The following SLC25A30 variants were observed in gnomAD, a reference collection of about 807,000 sequenced individuals.
SLC25A30 encodes the protein kidney mitochondrial carrier protein 1.
In SLC25A30, 29 loss-of-function variants were observed where a neutral mutation model predicts 42.7. That is an observed-to-expected ratio of 0.68 (90% CI 0.51 to 0.93). SLC25A30 has a LOEUF of 0.93. SLC25A30 is among the 40% of genes least tolerant of loss of function. The pLI is 0.00. For missense variants in SLC25A30, 300 were observed against 359.7 expected (o/e 0.83, Z 1.34); for synonymous variants, 124 against 131.0 (o/e 0.95, Z 0.37).
At position 45,395,974 on chromosome 13, in the gene SLC25A30, T is replaced by A; in HGVS notation, c.876A>T (p.Ter292CysextTer6). Residue 292 changes from the stop codon to cysteine (C), a stop_lost, in exon 10 of 10, where the codon TGA becomes TGT. Transcript: ENST00000519676. ...AGATGTCTCATGCAGCCTTGGCTTG[T>A]CACAAATCCAATTTCTTCAACTGCT... ...TYEQLKKLDL* is the reference protein window; with the variant it reads ...TYEQLKKLDLC 1.2e-6 allele frequency: 2 copies of A among 1,614,198 alleles called. No homozygotes were observed. Among genetic ancestry groups the A allele is most frequent in the Non-Finnish European group, 1.7e-6 (2 of 1,180,008 alleles).
chr13:45,425,788 A>G, the SLC25A30 span, among the ~76,000 whole-genome samples: 3 of 145,288 alleles, frequency 2.1e-5, no homozygotes, highest in African/African-American at 7.5e-5. Flanking sequence ...CACCTCCTGA[A>G]TTCAAGCAAT....
upstream of SLC25A30, among the ~76,000 whole-genome samples, chr13:45,418,964 A>C (rs1365913196): frequency 2.7e-5 from 3 of 111,452 alleles, no homozygotes; most frequent in Non-Finnish European, 5.4e-5. Context: ...AAAAAAAAAA[A>C]AAAAAAAAAA....
In SLC25A30 at chr13:45,394,242, C is replaced by T. The variant is rs923078893; in HGVS notation, c.*1732G>A. 23 of 821,996 alleles carry T rather than the reference C, an allele frequency of 2.8e-5. No homozygotes were observed. Among genetic ancestry groups the T allele is most frequent in the Admixed American group, 2.5e-4 (4 of 15,866 alleles). The allele number at this position is 821,996 out of a possible 1,614,324, so 50.9% of individuals were successfully genotyped here. Reference sequence around the variant, plus strand: ...ATTAACAGGTAACCCTACCCCACTGCACCCCGCCCCCGCCCCCACCTTCTG... The same window carrying T: ...ATTAACAGGTAACCCTACCCCACTGTACCCCGCCCCCGCCCCCACCTTCTG... On this transcript the variant is annotated 3_prime_UTR_variant, in exon 10 of 10. Coordinates refer to ENST00000519676, the MANE Select transcript of SLC25A30 (RefSeq NM_001010875.4).
At chr13:45,432,756 G>A in the SLC25A30 span, among the ~76,000 whole-genome samples, 150 of 151,234 alleles carry the variant, frequency 9.9e-4, no homozygotes, top group African/African-American at 3.6e-3. Context: ...AAAAATCAAG[G>A]CCAGGTGTGG....
chr13:45,394,449 T>G lies in SLC25A30; in HGVS notation c.*1525A>C. 10 of 985,380 alleles carry G rather than the reference T, an allele frequency of 1.0e-5. No homozygotes were observed. Among genetic ancestry groups the G allele is most frequent in the Non-Finnish European group, 1.2e-5 (10 of 829,930 alleles). 61.0% of individuals were successfully genotyped at this position (985,380 alleles called of 1,614,324 possible). A position where few individuals can be genotyped will look rare whatever the true frequency, so the allele number is the denominator to read the frequency against. On this transcript the variant is annotated 3_prime_UTR_variant, in exon 10 of 10. Transcript: ENST00000519676. Reference sequence around the variant, plus strand: ...CAAAGAGACTGGCCAGACTGGGAATTTGGCCGCACTACTGTGGAAGGAGAA... The same window carrying G: ...CAAAGAGACTGGCCAGACTGGGAATGTGGCCGCACTACTGTGGAAGGAGAA...
At chr13:45,425,072 A>AAATATATAAATATATAAG in the SLC25A30 span, among the ~76,000 whole-genome samples, 4 of 66,860 alleles carry the variant, frequency 6.0e-5, no homozygotes, top group African/African-American at 2.4e-4. Flanking sequence ...GTATATATAC[A>AAATATATAAATATATAAG]TATATATAAA....
At position 45,395,593 on chromosome 13, in the gene SLC25A30, G is replaced by A; in HGVS notation, c.*381C>T. Reference sequence around the variant, plus strand: ...AGGCTCCATTCCATGGTTCCAGTGAGCTTTTCTAGAGCAGTCTGATTCTCA... The same window carrying A: ...AGGCTCCATTCCATGGTTCCAGTGAACTTTTCTAGAGCAGTCTGATTCTCA... On this transcript the variant is annotated 3_prime_UTR_variant, in exon 10 of 10. Coordinates refer to ENST00000519676, the MANE Select transcript of SLC25A30 (RefSeq NM_001010875.4). 1.8e-6 allele frequency: 2 copies of A among 1,100,306 alleles called. No homozygotes were observed. Among genetic ancestry groups the A allele is most frequent in the Non-Finnish European group, 2.2e-6 (2 of 897,330 alleles). The allele number at this position is 1,100,306 out of a possible 1,614,324, so 68.2% of individuals were successfully genotyped here. A position where few individuals can be genotyped will look rare whatever the true frequency, so the allele number is the denominator to read the frequency against.
chr13:45,399,436 T>C (rs1285139668), intron 7 of SLC25A30, among the ~76,000 whole-genome samples: 2 of 152,296 alleles, frequency 1.3e-5, no homozygotes, highest in East Asian at 1.9e-4. Flanking sequence ...CTCAGACTCT[T>C]GACCTCAAGT....
At chr13:45,422,443 C>T (rs1211511989), upstream of SLC25A30, among the ~76,000 whole-genome samples, 1 of 152,072 alleles carries the variant, frequency 6.6e-6, no homozygotes, top group Non-Finnish European at 1.5e-5. Context: ...CTGGATAGGC[C>T]AGTGTTCCTA....
chr13:45,413,437 T>C (rs1188528806), intron 1 of SLC25A30, among the ~76,000 whole-genome samples: 1 of 152,226 alleles, frequency 6.6e-6, no homozygotes, highest in African/African-American at 2.4e-5. Flanking sequence ...ACCTAGCTGA[T>C]TGCAGATTAA....
chr13:45,424,590 T>TATATAAAA, the SLC25A30 span, among the ~76,000 whole-genome samples: 2 of 54,328 alleles, frequency 3.7e-5, no homozygotes, highest in South Asian at 5.7e-4. Flanking sequence ...TATATATAAA[T>TATATAAAA]ATATATAAAT....
intron 4 of SLC25A30, among the ~76,000 whole-genome samples, 199 bp downstream of exon 4, chr13:45,405,684 T>C (rs1377367012): frequency 6.6e-6 from 1 of 152,240 alleles, no homozygotes; most frequent in Non-Finnish European, 1.5e-5. Context: ...CAGAGATGGT[T>C]CCTTTTCATT....
In SLC25A30 at chr13:45,401,153, C is replaced by A. The variant is rs1881934182; in HGVS notation, c.544G>T (p.Val182Phe). 6.2e-7 allele frequency: 1 copy of A among 1,613,974 alleles called. No individual in the cohort carries two copies. The highest frequency in any genetic ancestry group is 1.1e-5 in the South Asian group (1 of 91,072). Reference protein sequence around the residue: ...AAIVVGVELPVYDITKKHLIL... With the variant: ...AAIVVGVELPFYDITKKHLIL... ...AGATGCTTCTTGGTGATGTCATAGA[C>A]CGGCAGCTCCACACCAACAACAATA... is the stretch of plus-strand genomic sequence containing the variant. The change falls in exon 7 of 10, where the codon GTC (valine) becomes TTC (phenylalanine). Residue 182 changes from valine to phenylalanine, a missense_variant. Val to Phe is a conservative substitution (Grantham distance 50, BLOSUM62 -1). Coordinates refer to ENST00000519676, the MANE Select transcript of SLC25A30 (RefSeq NM_001010875.4).
intron 8 of SLC25A30, chr13:45,398,626 C>T (rs1362345083): frequency 5.2e-6 from 1 of 192,598 alleles, no homozygotes. Context: ...GTTCCTTTAA[C>T]AGAGATGTCT....
At chr13:45,425,292 A>G in the SLC25A30 span, among the ~76,000 whole-genome samples, 2 of 99,420 alleles carry the variant, frequency 2.0e-5, no homozygotes, top group African/African-American at 9.3e-5. Flanking sequence ...ATATGTACGT[A>G]TATATACGTA....
At position 45,394,420 on chromosome 13, in the gene SLC25A30, T is replaced by C; in HGVS notation, c.*1554A>G. The C allele has an allele frequency of 1.0e-6, 1 of 985,360 alleles. No homozygotes were observed. Among genetic ancestry groups the C allele is most frequent in the Non-Finnish European group, 1.2e-6 (1 of 829,924 alleles). 61.0% of individuals were successfully genotyped at this position (985,360 alleles called of 1,614,324 possible). ...AAACCTGCAGTCCTTCTATTCAGTC[T>C]CAACAAAGAGACTGGCCAGACTGGG... On this transcript the variant is annotated 3_prime_UTR_variant, in exon 10 of 10. Transcript: ENST00000519676.
rs749818759 is a variant in SLC25A30 at position 45,409,360 on chromosome 13, C to T, written c.65-286G>A. 6.8e-4 allele frequency among the ~76,000 whole-genome samples: 104 copies of T among 152,046 alleles called. 1 individual carries two copies. Among genetic ancestry groups the T allele is most frequent in the Non-Finnish European group, 2.2e-4 (15 of 68,020 alleles). On this transcript the variant is annotated intron_variant, in intron 2 of 9. Coordinates refer to ENST00000519676, the MANE Select transcript of SLC25A30 (RefSeq NM_001010875.4). ...GCTGCATTGTTGTAGAAAGCAAATA[C>T]GTGGTATGATTTACCTAAACAGGAA...
chr13:45,406,057 C>T, intron 3 of SLC25A30, 80 bp from the exon 4 acceptor site: 1 of 1,249,698 alleles, frequency 8.0e-7, no homozygotes, highest in Non-Finnish European at 1.2e-6. Flanking sequence ...TGCAGAGTGC[C>T]ATCCATAATC....
the SLC25A30 span, among the ~76,000 whole-genome samples, chr13:45,432,269 CAA>C: frequency 1.4e-4 from 13 of 92,936 alleles, no homozygotes; most frequent in African/African-American, 1.5e-4. Flanking sequence ...GACTCTGTTT[CAA>C]AAAAAAAAAA....
Sources: allele counts gnomAD v4.1 joint callset (sites outside exome capture counted in the v4.1 genomes callset), GRCh38; gene constraint gnomAD v4.1.1; transcripts MANE v1.5; gene names NCBI Gene and HGNC (gene_info 2026-07-23, HGNC 2026-07-21).